The following ATF6 variants were observed in gnomAD, a reference collection of about 807,000 sequenced individuals.
ATF6 encodes the protein cyclic AMP-dependent transcription factor ATF-6 alpha.
A neutral mutation model predicts 83.6 loss-of-function variants in ATF6; 53 were observed. The ratio of observed to expected loss-of-function variants is 0.63; its 90% CI spans 0.51 to 0.80. ATF6 has a LOEUF of 0.80. Among genes scored for constraint, ATF6 ranks in the 30% least tolerant of loss-of-function variants. The probability of loss-of-function intolerance (pLI) is 0.00; values close to 1 mark genes in which losing one functional copy is unlikely to be tolerated. For missense variants in ATF6, 744 were observed against 797.9 expected, an observed-to-expected ratio of 0.93 and a Z score of 0.81; for synonymous variants, 288 against 285.8, an observed-to-expected ratio of 1.01 and a Z score of -0.08.
At chr1:161,831,496 A>G (rs373819661) in intron 9 of ATF6, among the ~76,000 whole-genome samples, 10 of 152,146 alleles carry the variant, frequency 6.6e-5, no homozygotes, top group East Asian at 1.9e-4. Context: ...ACATGCACAC[A>G]TATGTTTATT....
At chr1:161,919,231 GA>G (rs2101893973) in intron 15 of ATF6, among the ~76,000 whole-genome samples, 1 of 152,308 alleles carries the variant, frequency 6.6e-6, no homozygotes, top group East Asian at 1.9e-4. Context: ...TGTCACACAA[GA>G]TTATTGAAAT....
intron 1 of ATF6, among the ~76,000 whole-genome samples, chr1:161,775,286 T>C (rs913830933): frequency 6.6e-6 from 1 of 152,250 alleles, no homozygotes; most frequent in African/African-American, 2.4e-5. Context: ...ATTTTGTATT[T>C]TATTGCTATT....
intron 12 of ATF6, among the ~76,000 whole-genome samples, chr1:161,858,665 A>T (rs1686816211): frequency 6.6e-6 from 1 of 152,210 alleles, no homozygotes; most frequent in African/African-American, 2.4e-5. Flanking sequence ...CTACAGCATA[A>T]CTGGAGATTT....
chr1:161,782,323 A>T (rs1038082398), intron 3 of ATF6, among the ~76,000 whole-genome samples: 5 of 151,806 alleles, frequency 3.3e-5, no homozygotes, highest in African/African-American at 1.2e-4. Flanking sequence ...CAAAGGGAAG[A>T]GCCTGGGTTA....
chr1:161,931,194 A>G (rs138277263), intron 15 of ATF6, among the ~76,000 whole-genome samples: 103 of 152,296 alleles, frequency 6.8e-4, no homozygotes, highest in Non-Finnish European at 1.2e-3. Flanking sequence ...AAATTCTAAT[A>G]TTTGTTCTGT....
chr1:161,809,342 C>A (rs946122934), intron 7 of ATF6, among the ~76,000 whole-genome samples: 8 of 152,146 alleles, frequency 5.3e-5, no homozygotes, highest in Admixed American at 6.5e-5. Flanking sequence ...TGGTTTCCAG[C>A]TTCATCCATG....
intron 15 of ATF6, among the ~76,000 whole-genome samples, chr1:161,937,567 A>C (rs1175814377): frequency 6.6e-6 from 1 of 152,052 alleles, no homozygotes; most frequent in Non-Finnish European, 1.5e-5. Flanking sequence ...TACTGCTCTT[A>C]TAAAAAGACA....
intron 9 of ATF6, among the ~76,000 whole-genome samples, chr1:161,824,948 T>C (rs1260754946): frequency 6.6e-6 from 1 of 152,162 alleles, no homozygotes; most frequent in Non-Finnish European, 1.5e-5. Flanking sequence ...ATTAAAAAAA[T>C]GAAAAACTTT....
chr1:161,854,803 C>T (rs765487956), intron 12 of ATF6, among the ~76,000 whole-genome samples: 2 of 150,870 alleles, frequency 1.3e-5, no homozygotes, highest in Admixed American at 6.6e-5. Context: ...ACTTGGGAGA[C>T]GGAGCTTGGA....
chr1:161,876,299 A>C (rs570774976), intron 14 of ATF6, among the ~76,000 whole-genome samples: 33 of 152,030 alleles, frequency 2.2e-4, no homozygotes, highest in Non-Finnish European at 4.0e-4. Flanking sequence ...TCGTATTTGC[A>C]ACTAAGTGTA....
chr1:161,846,451 T>C lies in ATF6; in HGVS notation c.1190T>C (p.Met397Thr), dbSNP rs1310608101. Residue 397 changes from methionine (M) to threonine (T), a missense_variant and splice_region_variant, in exon 10 of 16, where the codon ATG (methionine) becomes ACG (threonine). By Grantham distance (81) the Met-to-Thr change is moderately conservative. Transcript: ENST00000367942. ...FIILNYGPMSMLEQDSRRMNP... is the reference protein window; with the variant it reads ...FIILNYGPMSTLEQDSRRMNP... ...TATTTCCTGTTTTTTATTTTCAGCATGTTGGAACAGGATTCCAGGAGAATG... is the reference window on the plus strand; with the variant it reads ...TATTTCCTGTTTTTTATTTTCAGCACGTTGGAACAGGATTCCAGGAGAATG... The C allele has an allele frequency of 4.4e-6, 7 of 1,599,704 alleles. No individual in the cohort carries two copies. The South Asian group carries it at 7.9e-5, about 18-fold the overall frequency.
At position 161,959,356 on chromosome 1, in the gene ATF6, G is replaced by A. The variant is rs1689038892; in HGVS notation, c.*702G>A. On this transcript the variant is annotated 3_prime_UTR_variant, in exon 16 of 16. Coordinates refer to ENST00000367942, the MANE Select transcript of ATF6 (RefSeq NM_007348.4). Reference sequence around the variant, plus strand: ...AAGGGAAGGGCCAGTGGTGGGGTTTGGAGAGAGGAGATAGCTCCATTAATA... The same window carrying A: ...AAGGGAAGGGCCAGTGGTGGGGTTTAGAGAGAGGAGATAGCTCCATTAATA... The A allele has an allele frequency of 1.3e-5, 2 of 152,212 alleles. No individual in the cohort carries two copies. The highest frequency in any genetic ancestry group is 6.5e-5 in the Admixed American group (1 of 15,276). 9.4% of individuals were successfully genotyped at this position (152,212 alleles called of 1,614,324 possible).
At chr1:161,877,506 A>G (rs544820962) in intron 14 of ATF6, among the ~76,000 whole-genome samples, 1 of 152,224 alleles carries the variant, frequency 6.6e-6, no homozygotes, top group South Asian at 2.1e-4. Context: ...AAGAAAACCA[A>G]TGTGACAGGA....
intron 9 of ATF6, among the ~76,000 whole-genome samples, chr1:161,825,124 G>C (rs555797439): frequency 1.3e-5 from 2 of 152,212 alleles, no homozygotes; most frequent in South Asian, 2.1e-4. Context: ...TGCCCAGGCT[G>C]GAGTGCAGTG....
intron 4 of ATF6, among the ~76,000 whole-genome samples, chr1:161,789,815 G>A (rs1684837115): frequency 6.6e-6 from 1 of 152,166 alleles, no homozygotes; most frequent in Non-Finnish European, 1.5e-5. Flanking sequence ...AGGCCGTGAA[G>A]ATAATAGTCT....
At chr1:161,815,265 C>A (rs1230560886) in intron 7 of ATF6, among the ~76,000 whole-genome samples, 2 of 144,444 alleles carry the variant, frequency 1.4e-5, no homozygotes, top group Non-Finnish European at 3.0e-5. Flanking sequence ...GATCATGGCT[C>A]ACTGCAGCCT....
chr1:161,932,106 C>A (rs1029594383), intron 15 of ATF6, among the ~76,000 whole-genome samples: 1 of 152,026 alleles, frequency 6.6e-6, no homozygotes, highest in African/African-American at 2.4e-5. Context: ...GTTGTTATTC[C>A]TGTTACATAG....
chr1:161,936,072 T>C (rs1390134043), intron 15 of ATF6, among the ~76,000 whole-genome samples: 2 of 152,214 alleles, frequency 1.3e-5, no homozygotes, highest in African/African-American at 4.8e-5. Flanking sequence ...CATCTGCTCA[T>C]AGAAATACAG....
Position 161,819,680 on chromosome 1 carries a change from C to G in ATF6, c.957C>G (p.Ser319=). The G allele has an allele frequency of 6.2e-7, 1 of 1,609,716 alleles. No homozygotes were observed. Among genetic ancestry groups the G allele is most frequent in the Non-Finnish European group, 8.5e-7 (1 of 1,178,156 alleles). ...AACGTATGATAAAAAATCGAGAATC[C>G]GCTTGTCAGTCTCGCAAGAAGAAGA... ...RQQRMIKNRE[S]ACQSRKKKKE... The change falls in exon 8 of 16, where the codon TCC becomes TCG. Residue 319 remains serine (S), a synonymous_variant. Transcript: ENST00000367942.
Sources: gnomAD v4.1 joint callset for allele counts (sites outside exome capture counted in the v4.1 genomes callset) on GRCh38, gnomAD v4.1.1 for gene constraint, MANE v1.5 for transcripts, NCBI Gene and HGNC (gene_info 2026-07-23, HGNC 2026-07-21) for gene names.